FNDC1: variants seen among roughly 807,000 people sequenced by gnomAD.
FNDC1 encodes fibronectin type III domain containing 1, also known as fibronectin type III domain-containing protein 1.
A neutral mutation model predicts 168.0 loss-of-function variants in FNDC1; 96 were observed. The ratio of observed to expected loss-of-function variants is 0.57; its 90% CI spans 0.48 to 0.68. The LOEUF is 0.68. Ranked by LOEUF, FNDC1 falls within the 30% of genes least tolerant of loss-of-function variation. The pLI is 0.00. For synonymous variants in FNDC1, 1,099 were observed against 1,025.9 expected (o/e 1.07, Z -1.36); for missense variants, 2,587 against 2,482.1 (o/e 1.04, Z -0.90).
chr6:159,261,580 T>TA (rs1399031209), intron 19 of FNDC1, among the ~76,000 whole-genome samples: 2 of 152,212 alleles, frequency 1.3e-5, no homozygotes, highest in Non-Finnish European at 2.9e-5. Flanking sequence ...TGCAGAGTTT[T>TA]AAAAAAATTA....
At chr6:159,216,846 A>T (rs1332776580) in intron 5 of FNDC1, among the ~76,000 whole-genome samples, 1 of 152,224 alleles carries the variant, frequency 6.6e-6, no homozygotes, top group Non-Finnish European at 1.5e-5. Context: ...TTCAGTACTC[A>T]AGCAAGGAAA....
At position 159,232,555 on chromosome 6, in the gene FNDC1, C is replaced by T. The variant is rs1321507625; in HGVS notation, c.2043C>T (p.Leu681=). ...SPSRQSPSSV[L]RDRSSVHPGA... ...GCCGCCAGTCCCCGTCCAGCGTTCT[C>T]CGCGACAGAAGCTCTGTGCACCCCG... Residue 681 remains leucine (L), a synonymous_variant, in exon 11 of 23, where the codon CTC becomes CTT. Transcript: ENST00000297267. This position sits in a 1 kb window ranked among gnomAD's most constrained non-coding sequence, Gnocchi z 4.9. 2 of 1,611,894 alleles carry T rather than the reference C, an allele frequency of 1.2e-6. No homozygotes were observed. Among genetic ancestry groups the T allele is most frequent in the Non-Finnish European group, 1.7e-6 (2 of 1,179,088 alleles).
intron 4 of FNDC1, among the ~76,000 whole-genome samples, chr6:159,209,965 CA>C (rs1289260302): frequency 6.6e-5 from 10 of 152,164 alleles, no homozygotes; most frequent in Non-Finnish European, 8.8e-5. Flanking sequence ...GACTCCTCAT[CA>C]GGGGTCTTTC....
intron 4 of FNDC1, among the ~76,000 whole-genome samples, chr6:159,214,734 C>A (rs1782673805): frequency 6.6e-6 from 1 of 152,114 alleles, no homozygotes; most frequent in Non-Finnish European, 1.5e-5. Context: ...TTTCTTGAGA[C>A]CTTTTGGTAT....
In FNDC1 at chr6:159,232,278, C is replaced by T. The variant is rs751755141; in HGVS notation, c.1766C>T (p.Pro589Leu). ...AGGACTGCAGTGAGGGCCCGGATGCCAGCGCTGCCCCGAAGGGAAGGCGTA... is the reference window on the plus strand; with the variant it reads ...AGGACTGCAGTGAGGGCCCGGATGCTAGCGCTGCCCCGAAGGGAAGGCGTA... ...PGRTAVRARMPALPRREGVDK... is the reference protein window; with the variant it reads ...PGRTAVRARMLALPRREGVDK... Residue 589 changes from proline to leucine, a missense_variant, in exon 11 of 23, where the codon CCA becomes CTA. Transcript: ENST00000297267. The surrounding 1 kb of genome is among the most constrained non-coding windows in gnomAD (Gnocchi z 4.9). 4.3e-6 allele frequency: 7 copies of T among 1,610,766 alleles called. No individual in the cohort carries two copies. The highest frequency in any genetic ancestry group is 1.1e-5 in the South Asian group (1 of 90,634).
At chr6:159,238,331 C>T (rs653029) in intron 12 of FNDC1, among the ~76,000 whole-genome samples, 128,324 of 152,026 alleles carry the variant, frequency 0.84, 54,623 homozygotes, top group Non-Finnish European at 0.9. Flanking sequence ...GTGATCTGCC[C>T]GCTTCGGCCT....
intron 1 of FNDC1, among the ~76,000 whole-genome samples, chr6:159,175,788 T>C (rs1405061115): frequency 6.6e-6 from 1 of 152,244 alleles, no homozygotes; most frequent in Non-Finnish European, 1.5e-5. Flanking sequence ...TGCTACTCTC[T>C]GTGAGTGCTT....
intron 11 of FNDC1, 70 bp from the exon 12 acceptor site, chr6:159,236,145 G>A: frequency 9.5e-7 from 1 of 1,053,950 alleles, no homozygotes; most frequent in Non-Finnish European, 1.4e-6. Flanking sequence ...TAATAGTTTG[G>A]TATGAAGCCA....
chr6:159,259,563 G>A (rs985652741), intron 18 of FNDC1, among the ~76,000 whole-genome samples: 2 of 152,172 alleles, frequency 1.3e-5, no homozygotes, highest in African/African-American at 4.8e-5. Flanking sequence ...GAGCCCCTGA[G>A]TATGCATCCT....
intron 19 of FNDC1, 56 bp downstream of exon 19, chr6:159,261,325 A>T: frequency 8.2e-7 from 1 of 1,213,858 alleles, no homozygotes. Flanking sequence ...TGAAATAAAT[A>T]ATCTAGCATG....
At chr6:159,175,399 A>T (rs1305304038) in intron 1 of FNDC1, among the ~76,000 whole-genome samples, 1 of 151,236 alleles carries the variant, frequency 6.6e-6, no homozygotes, top group Non-Finnish European at 1.5e-5. Context: ...CAGATCCCAC[A>T]CTCTCCCTGC....
At chr6:159,201,770 G>A (rs294920) in intron 4 of FNDC1, among the ~76,000 whole-genome samples, 47,575 of 152,068 alleles carry the variant, frequency 0.31, 8,562 homozygotes, top group East Asian at 0.65. Flanking sequence ...AAACAGACAC[G>A]TGTGAACCTT....
intron 1 of FNDC1, among the ~76,000 whole-genome samples, chr6:159,184,373 C>A (rs1444307731): frequency 5.3e-5 from 8 of 152,138 alleles, no homozygotes; most frequent in Non-Finnish European, 2.9e-5. Context: ...ACAAACGGAT[C>A]CAAAACTTAA....
intron 4 of FNDC1, among the ~76,000 whole-genome samples, chr6:159,208,028 G>C (rs1782525217): frequency 6.6e-6 from 1 of 152,200 alleles, no homozygotes; most frequent in African/African-American, 2.4e-5. Context: ...GAATCCTGTA[G>C]GGGAATGGCT....
At chr6:159,262,822 C>T (rs1424274586) in intron 19 of FNDC1, among the ~76,000 whole-genome samples, 1 of 152,210 alleles carries the variant, frequency 6.6e-6, no homozygotes, top group East Asian at 1.9e-4. Flanking sequence ...ATAAGAATCT[C>T]TCCAGGAAAC....
intron 9 of FNDC1, among the ~76,000 whole-genome samples, chr6:159,227,220 T>G (rs1782972488): frequency 6.6e-6 from 1 of 152,238 alleles, no homozygotes; most frequent in Non-Finnish European, 1.5e-5. Flanking sequence ...TAAAAGCGTT[T>G]AAGAACCTCT....
At chr6:159,197,716 T>C in intron 2 of FNDC1, 91 bp downstream of exon 2, 2 of 1,217,154 alleles carry the variant, frequency 1.6e-6, no homozygotes, top group African/African-American at 1.5e-5. Context: ...AGACAACCCA[T>C]GGCTGGGCTC....
Position 159,226,563 on chromosome 6 carries a change from C to T in FNDC1, c.1163C>T (p.Thr388Ile), listed in dbSNP as rs538489902. The stretch of plus-strand genomic sequence containing the variant: ...GCATCTTGGGATGCGCTACCAGAGA[C>T]TGAGGGGAAAGTGAAAGGTAGGAAT... ...VAASWDALPE[T>I]EGKVKEYILS... Residue 388 changes from threonine to isoleucine, a missense_variant, in exon 9 of 23, where the codon ACT becomes ATT. By Grantham distance (89) the Thr-to-Ile change is moderately conservative. Transcript: ENST00000297267. The T allele has an allele frequency of 3.1e-5, 50 of 1,606,330 alleles. 4 individuals carry two copies. The South Asian group carries it at 5.3e-4, about 17-fold the overall frequency.
In FNDC1 at chr6:159,195,889, T is replaced by G. The variant is rs529621899; in HGVS notation, c.110-1542T>G. Among the ~76,000 whole-genome samples the G allele has an allele frequency of 1.2e-3, 185 of 152,334 alleles. 2 individuals carry two copies. The highest frequency in any genetic ancestry group is 4.3e-3 in the African/African-American group (177 of 41,570). On this transcript the variant is annotated intron_variant, in intron 1 of 22. Coordinates refer to ENST00000297267, the MANE Select transcript of FNDC1 (RefSeq NM_032532.3). ...AAGAAAAGTGCGATATGTATATTCA[T>G]TCATTTATATTCTTCCTTGGGAGAA...
Sources: allele counts gnomAD v4.1 joint callset (sites outside exome capture counted in the v4.1 genomes callset), GRCh38; gene constraint gnomAD v4.1.1; non-coding constraint Gnocchi (gnomAD v3.1); transcripts MANE v1.5; gene names NCBI Gene and HGNC (gene_info 2026-07-23, HGNC 2026-07-21).